TAFA2: variants seen among roughly 807,000 people sequenced by gnomAD.
TAFA2 encodes TAFA chemokine like family member 2.
A neutral mutation model predicts 18.8 loss-of-function variants in TAFA2; 7 were observed. The ratio of observed to expected loss-of-function variants is 0.37; its 90% CI spans 0.21 to 0.70. The LOEUF is 0.70. Ranked by LOEUF, TAFA2 falls within the 30% of genes least tolerant of loss-of-function variation. The pLI is 0.53. For missense variants in TAFA2, 122 were observed against 158.1 expected (o/e 0.77, Z 1.23); for synonymous variants, 60 against 54.2 (o/e 1.11, Z -0.47).
intron 2 of TAFA2, among the ~76,000 whole-genome samples, chr12:61,760,470 C>T (rs752991795): frequency 6.7e-6 from 1 of 149,850 alleles, no homozygotes; most frequent in African/African-American, 2.5e-5. Context: ...TGTATGCATA[C>T]GTTTAGTTTT....
chr12:61,999,476 C>T (rs7316605), intron 1 of TAFA2, among the ~76,000 whole-genome samples: 131,141 of 152,182 alleles, frequency 0.86, 56,662 homozygotes, highest in Non-Finnish European at 0.88. Context: ...TATGTGGATA[C>T]GGCTTCCTAA....
At chr12:61,779,234 G>A (rs1476251214) in intron 2 of TAFA2, among the ~76,000 whole-genome samples, 4 of 151,666 alleles carry the variant, frequency 2.6e-5, no homozygotes, top group Non-Finnish European at 5.9e-5. Flanking sequence ...AGGTAGTGAT[G>A]TGTGTGTGTG....
rs140771783 is a variant in TAFA2, at chr12:62,051,779, A to G, written c.-2+139480T>C. 4.6e-3 allele frequency among the ~76,000 whole-genome samples: 695 copies of G among 152,002 alleles called. 5 individuals are homozygous for G. Among genetic ancestry groups the G allele is most frequent in the African/African-American group, 0.016 (650 of 41,534 alleles). On this transcript the variant is annotated intron_variant, in intron 1 of 4. Coordinates refer to ENST00000416284, the MANE Select transcript of TAFA2 (RefSeq NM_178539.5). ...TAAGTAAATGGATTACATTAAATTGAAGTATCCATGTAAGGAAAATTGTAC... is the reference window on the plus strand; with the variant it reads ...TAAGTAAATGGATTACATTAAATTGGAGTATCCATGTAAGGAAAATTGTAC...
chr12:62,215,279 A>G (rs1565781092), intron 1 of TAFA2, among the ~76,000 whole-genome samples: 1 of 152,158 alleles, frequency 6.6e-6, no homozygotes, highest in Admixed American at 6.5e-5. Context: ...CAGTCACCAA[A>G]AGCAGCCCTG....
Position 62,123,171 on chromosome 12 carries a change from A to G in TAFA2, c.-2+68088T>C, listed in dbSNP as rs552222729. The stretch of plus-strand genomic sequence containing the variant: ...ACATTTAAGTTTATCGAGGACAGAA[A>G]ACAGCTTTTATTCCCTCTCTCAACT... On this transcript the variant is annotated intron_variant, in intron 1 of 4. Transcript: ENST00000416284. Among the ~76,000 whole-genome samples, 3 of 152,310 alleles carry G rather than the reference A, an allele frequency of 2.0e-5. No individual in the cohort carries two copies. In the South Asian group the frequency reaches 6.2e-4, roughly 32 times the overall value.
intron 1 of TAFA2, among the ~76,000 whole-genome samples, chr12:62,126,745 G>A (rs576532707): frequency 5.3e-5 from 8 of 152,134 alleles, no homozygotes; most frequent in East Asian, 1.9e-4. Context: ...AGATGACGCC[G>A]GAGAGCCACA....
At chr12:61,983,574 G>GT (rs1168653370) in intron 1 of TAFA2, among the ~76,000 whole-genome samples, 3 of 151,938 alleles carry the variant, frequency 2.0e-5, no homozygotes, top group Non-Finnish European at 2.9e-5. Flanking sequence ...CGCCCAGATA[G>GT]TTTTTGTATT....
intron 1 of TAFA2, among the ~76,000 whole-genome samples, chr12:62,245,026 G>A (rs1222690070): frequency 6.6e-6 from 1 of 151,820 alleles, no homozygotes; most frequent in Non-Finnish European, 1.5e-5. Flanking sequence ...TTTCAGTATA[G>A]GCAAATTTGT....
chr12:62,056,823 A>C (rs867113204), intron 1 of TAFA2, among the ~76,000 whole-genome samples: 2 of 152,238 alleles, frequency 1.3e-5, no homozygotes, highest in Non-Finnish European at 1.5e-5. Flanking sequence ...TGCTGCCTAC[A>C]TCAAGCGTAA....
At chr12:62,096,671 C>A (rs148439393) in intron 1 of TAFA2, among the ~76,000 whole-genome samples, 2 of 152,154 alleles carry the variant, frequency 1.3e-5, no homozygotes, top group African/African-American at 4.8e-5. Flanking sequence ...ATGCAATTTC[C>A]AAAATTTTAA....
chr12:61,712,449 A>T (rs1431580433), intron 4 of TAFA2, among the ~76,000 whole-genome samples: 1 of 152,162 alleles, frequency 6.6e-6, no homozygotes, highest in Non-Finnish European at 1.5e-5. Flanking sequence ...AAACTAAAAC[A>T]ATTTTTTTCT....
chr12:62,247,792 A>G (rs942445717), intron 1 of TAFA2, among the ~76,000 whole-genome samples: 4 of 151,814 alleles, frequency 2.6e-5, no homozygotes, highest in African/African-American at 9.7e-5. Context: ...CAGGCAAATG[A>G]CACATTCAGT....
intron 2 of TAFA2, among the ~76,000 whole-genome samples, chr12:61,758,007 T>A (rs2120777165): frequency 6.6e-6 from 1 of 152,150 alleles, no homozygotes; most frequent in Non-Finnish European, 1.5e-5. Flanking sequence ...AATAGCACAA[T>A]CTTCATAGGA....
At chr12:62,225,497 G>T (rs928712490) in intron 1 of TAFA2, among the ~76,000 whole-genome samples, 1 of 151,806 alleles carries the variant, frequency 6.6e-6, no homozygotes, top group Non-Finnish European at 1.5e-5. Context: ...ATAAAAGAAA[G>T]CACTGATTAA....
At chr12:61,980,440 A>G (rs1033372290) in intron 1 of TAFA2, among the ~76,000 whole-genome samples, 9 of 152,204 alleles carry the variant, frequency 5.9e-5, no homozygotes, top group African/African-American at 2.2e-4. Context: ...TCAACAAAGT[A>G]TTGGAAGTTC....
intron 2 of TAFA2, among the ~76,000 whole-genome samples, chr12:61,808,483 T>C (rs116901761): frequency 0.052 from 7,906 of 151,462 alleles, 302 homozygotes; most frequent in Non-Finnish European, 0.076. Flanking sequence ...CCCCACCTCA[T>C]AGAAAATACC....
chr12:62,175,853 T>C (rs2062508997), intron 1 of TAFA2, among the ~76,000 whole-genome samples: 1 of 133,572 alleles, frequency 7.5e-6, no homozygotes, highest in African/African-American at 2.8e-5. Context: ...GAATTAAGTA[T>C]ACAAAGAACA....
chr12:62,180,325 T>G (rs1433318444), intron 1 of TAFA2, among the ~76,000 whole-genome samples: 1 of 152,186 alleles, frequency 6.6e-6, no homozygotes, highest in Non-Finnish European at 1.5e-5. Flanking sequence ...CTGAGTGTTT[T>G]GGGACAATAC....
rs147212380 is a variant in TAFA2, at chr12:62,255,304, A to C, written c.-130+3459T>G. ...TATTTTCATGTAGAGGTTCTTTATC[A>C]ACCTTGAAATCTGTCAATAAATGTA... On this transcript the variant is annotated intron_variant, in intron 1 of 5. Coordinates refer to the TAFA2 transcript ENST00000551619. 80 of 152,320 alleles carry C rather than the reference A, an allele frequency of 5.3e-4. 3 individuals carry two copies. In the East Asian group the frequency reaches 0.015, roughly 28 times the overall value. 9.4% of individuals were successfully genotyped at this position (152,320 alleles called of 1,614,324 possible). A position where few individuals can be genotyped will look rare whatever the true frequency, so the allele number is the denominator to read the frequency against.
Sources: gnomAD v4.1 joint callset for allele counts (sites outside exome capture counted in the v4.1 genomes callset) on GRCh38, gnomAD v4.1.1 for gene constraint, MANE v1.5 for transcripts, NCBI Gene and HGNC (gene_info 2026-07-23, HGNC 2026-07-21) for gene names.